The following TOGARAM1 variants were observed in gnomAD, a reference collection of about 807,000 sequenced individuals.
TOGARAM1 encodes the protein TOG array regulator of axonemal microtubules 1, also known as TOG array regulator of axonemal microtubules protein 1.
TOGARAM1 carries 100 observed loss-of-function variants against 166.6 expected under a neutral mutation model. The ratio of observed to expected loss-of-function variants is 0.60; its 90% CI spans 0.51 to 0.71. The LOEUF (loss-of-function observed/expected upper bound fraction) is 0.71. Ranked by LOEUF, TOGARAM1 falls within the 30% of genes least tolerant of loss-of-function variation. The pLI, the probability that TOGARAM1 is intolerant of heterozygous loss-of-function variation, is 0.00. For synonymous variants in TOGARAM1, 758 were observed against 763.8 expected, an observed-to-expected ratio of 0.99 and a Z score of 0.13; for missense variants, 2,029 against 2,102.7, an observed-to-expected ratio of 0.96 and a Z score of 0.69.
At chr14:44,971,721 A>C (rs139248596) in intron 1 of TOGARAM1, among the ~76,000 whole-genome samples, 1 of 152,314 alleles carries the variant, frequency 6.6e-6, no homozygotes. Flanking sequence ...TTCACTGCAT[A>C]CCGCAAATCT....
At chr14:45,049,057 CAAAAAAAAAAAAAAA>C (rs71108678) in intron 14 of TOGARAM1, among the ~76,000 whole-genome samples, 5 of 47,302 alleles carry the variant, frequency 1.1e-4, no homozygotes, top group South Asian at 1.8e-3. Context: ...ACAAACTTCT[CAAAAAAAAAAAAAAA>C]AAAAAAAAAA....
At chr14:45,024,294 T>G (rs1880698923) in intron 7 of TOGARAM1, among the ~76,000 whole-genome samples, 1 of 152,152 alleles carries the variant, frequency 6.6e-6, no homozygotes, top group African/African-American at 2.4e-5. Context: ...GATTTACTAT[T>G]TACTCTTTTG....
At chr14:44,991,141 A>G (rs757493468) in intron 1 of TOGARAM1, among the ~76,000 whole-genome samples, 15 of 150,348 alleles carry the variant, frequency 1.0e-4, no homozygotes, top group South Asian at 8.4e-4. Context: ...TATTTTTTGT[A>G]GAGATGGGGT....
At chr14:45,040,845 C>A (rs1324225674) in intron 11 of TOGARAM1, among the ~76,000 whole-genome samples, 1 of 151,792 alleles carries the variant, frequency 6.6e-6, no homozygotes, top group Non-Finnish European at 1.5e-5. Context: ...TCAAGACCAG[C>A]ATGGCTAACA....
At chr14:44,965,869 A>T (rs1205624368) in intron 1 of TOGARAM1, among the ~76,000 whole-genome samples, 2 of 120,498 alleles carry the variant, frequency 1.7e-5, no homozygotes, top group Non-Finnish European at 1.7e-5. Context: ...ACAAATAGTA[A>T]TTTTTTTTTT....
At chr14:45,017,019 T>G (rs924036523) in intron 7 of TOGARAM1, among the ~76,000 whole-genome samples, 3 of 152,214 alleles carry the variant, frequency 2.0e-5, no homozygotes, top group Admixed American at 2.0e-4. Flanking sequence ...GTGGTGATTT[T>G]GAAGACGATA....
intron 1 of TOGARAM1, among the ~76,000 whole-genome samples, chr14:44,993,593 T>C (rs948535086): frequency 6.6e-6 from 1 of 152,232 alleles, no homozygotes; most frequent in Admixed American, 6.5e-5. Flanking sequence ...AACCACTTTT[T>C]CTTCGTTCAT....
chr14:44,988,837 C>T (rs1224497141), intron 1 of TOGARAM1, among the ~76,000 whole-genome samples: 2 of 152,204 alleles, frequency 1.3e-5, no homozygotes, highest in Non-Finnish European at 2.9e-5. Context: ...TGAGTAGCCC[C>T]TTGGGAGGCC....
At chr14:45,011,891 A>T (rs1317085365) in intron 6 of TOGARAM1, 84 bp from the exon 7 acceptor site, 1 of 925,218 alleles carries the variant, frequency 1.1e-6, no homozygotes, top group Non-Finnish European at 1.6e-6. Context: ...CTGTGAGTTA[A>T]TAAGGAGAAT....
intron 12 of TOGARAM1, among the ~76,000 whole-genome samples, chr14:45,044,220 G>A (rs1881866350): frequency 6.6e-6 from 1 of 152,072 alleles, no homozygotes; most frequent in Non-Finnish European, 1.5e-5. Flanking sequence ...ATATTGGCCA[G>A]GCTGGTCTTG....
chr14:45,064,854 T>G (rs1295838079), intron 16 of TOGARAM1, among the ~76,000 whole-genome samples: 3 of 152,178 alleles, frequency 2.0e-5, no homozygotes, highest in African/African-American at 7.2e-5. Flanking sequence ...TTCTTCTTTT[T>G]GTGCTTGGTA....
intron 6 of TOGARAM1, among the ~76,000 whole-genome samples, chr14:45,011,434 T>G (rs1228867544): frequency 6.6e-6 from 1 of 152,156 alleles, no homozygotes; most frequent in Non-Finnish European, 1.5e-5. Context: ...CACCTCGGCC[T>G]CTGTAGTAGC....
rs907788643 is a variant in TOGARAM1, at chr14:44,962,314, G to A, written c.-108G>A. The A allele has an allele frequency of 1.5e-6, 2 of 1,355,398 alleles. No individual in the cohort carries two copies. The highest frequency in any genetic ancestry group is 2.5e-5 in the East Asian group (1 of 39,822). 84.0% of individuals were successfully genotyped at this position (1,355,398 alleles called of 1,614,324 possible). A position where few individuals can be genotyped will look rare whatever the true frequency, so the allele number is the denominator to read the frequency against. On this transcript the variant is annotated 5_prime_UTR_variant, in exon 1 of 20. Transcript: ENST00000361462. ...GGCGGCAGGCTGAAGCTGTTCTTTT[G>A]CCTCTTCTGCAGCTTGGGGCTTGGA...
intron 12 of TOGARAM1, 52 bp from the exon 13 acceptor site, chr14:45,044,583 G>GTGA (rs1035459298): frequency 3.9e-5 from 49 of 1,251,598 alleles, no homozygotes; most frequent in Non-Finnish European, 5.1e-5. Flanking sequence ...GTTATTATTA[G>GTGA]TGATTTTCTT....
At chr14:45,035,103 G>GA (rs1490899433) in intron 11 of TOGARAM1, among the ~76,000 whole-genome samples, 1 of 152,196 alleles carries the variant, frequency 6.6e-6, no homozygotes, top group African/African-American at 2.4e-5. Context: ...AGACATTCCA[G>GA]AAGAAAAGAT....
intron 2 of TOGARAM1, chr14:44,996,422 CAA>C (rs1180890901): frequency 6.6e-6 from 1 of 151,958 alleles, no homozygotes; most frequent in Non-Finnish European, 1.5e-5. Flanking sequence ...TGAGAAATAC[CAA>C]AGAGACCAGT....
At position 45,021,557 on chromosome 14, in the gene TOGARAM1, A is replaced by G. The variant is rs138686470; in HGVS notation, c.3239-4226A>G. ...GTTGTTGCTTGAAGAGCAGGCCCAG[A>G]TCCTCTAGAGGTTCACAGGAATAGC... On this transcript the variant is annotated intron_variant, in intron 7 of 19. Coordinates refer to ENST00000361462, the MANE Select transcript of TOGARAM1 (RefSeq NM_001308120.2). Among the ~76,000 whole-genome samples the G allele has an allele frequency of 8.3e-4, 126 of 152,252 alleles. 2 individuals are homozygous for G. The East Asian group carries it at 0.023, about 28-fold the overall frequency.
intron 11 of TOGARAM1, among the ~76,000 whole-genome samples, chr14:45,041,157 C>A (rs991844086): frequency 6.6e-6 from 1 of 152,138 alleles, no homozygotes; most frequent in Non-Finnish European, 1.5e-5. Context: ...AATCTTAGCA[C>A]TTTGGGAGGC....
rs185713393 is a variant in TOGARAM1, at chr14:45,067,499, A to G, written c.4749+732A>G. Among the ~76,000 whole-genome samples, 211 of 152,290 alleles carry G rather than the reference A, an allele frequency of 1.4e-3. 3 individuals carry two copies. The highest frequency in any genetic ancestry group is 7.0e-3 in the Admixed American group (107 of 15,286). ...TAATAAATATTCATCATGTCAGAGC[A>G]TAGATTATTTTTGCTTGATCAGAAT... On this transcript the variant is annotated intron_variant, in intron 17 of 19. Coordinates refer to ENST00000361462, the MANE Select transcript of TOGARAM1 (RefSeq NM_001308120.2).
Sources: gnomAD v4.1 joint callset for allele counts (sites outside exome capture counted in the v4.1 genomes callset) on GRCh38, gnomAD v4.1.1 for gene constraint, MANE v1.5 for transcripts, NCBI Gene and HGNC (gene_info 2026-07-23, HGNC 2026-07-21) for gene names.